The following SKI variants were observed in gnomAD, a reference collection of about 807,000 sequenced individuals.
SKI encodes the protein SKI proto-oncogene.
A neutral mutation model predicts 59.3 loss-of-function variants in SKI; 23 were observed. The ratio of observed to expected loss-of-function variants is 0.39; its 90% CI spans 0.28 to 0.55. SKI has a LOEUF of 0.55. SKI is among the 20% of genes least tolerant of loss of function. The pLI, the probability that SKI is intolerant of heterozygous loss-of-function variation, is 0.67. For missense variants in SKI, 1,017 were observed against 1,038.9 expected, an observed-to-expected ratio of 0.98 and a Z score of 0.29; for synonymous variants, 673 against 488.6, an observed-to-expected ratio of 1.38 and a Z score of -4.98.
intron 1 of SKI, among the ~76,000 whole-genome samples, chr1:2,231,694 G>A (rs1175381072): frequency 6.6e-6 from 1 of 152,208 alleles, no homozygotes; most frequent in Non-Finnish European, 1.5e-5. Flanking sequence ...GAGTGACTGC[G>A]TCCTCTAGGC....
Position 2,270,084 on chromosome 1 carries a change from C to A in SKI, c.970-32894C>A, listed in dbSNP as rs1257422481. On this transcript the variant is annotated intron_variant, in intron 1 of 6. Transcript: ENST00000378536. The surrounding 1 kb of genome is among the most constrained non-coding windows in gnomAD (Gnocchi z 4.1). ...TGCCGATGGATGAGCCTGCCTGTCC[C>A]CCACGGATTGGAGTTTTGCCCAGGG... 6.6e-6 allele frequency among the ~76,000 whole-genome samples: 1 copy of A among 152,124 alleles called. No homozygotes were observed. Among genetic ancestry groups the A allele is most frequent in the Non-Finnish European group, 1.5e-5 (1 of 68,026 alleles).
chr1:2,306,494 G>T (rs939223567), intron 6 of SKI, 83 bp from the exon 7 acceptor site: 5 of 1,396,340 alleles, frequency 3.6e-6, no homozygotes, highest in Non-Finnish European at 4.9e-6. Context: ...AGGGAGCGGC[G>T]CAGGAGCCTC....
Position 2,269,481 on chromosome 1 carries a change from C to T in SKI, c.970-33497C>T, listed in dbSNP as rs1280566337. ...GATGTCCGTCCTCAGCAGTCTGTGG[C>T]CTTCTGTGAAGCAAAGCCGTTTTGC... On this transcript the variant is annotated intron_variant, in intron 1 of 6. Transcript: ENST00000378536. The surrounding 1 kb of genome is among the most constrained non-coding windows in gnomAD (Gnocchi z 4.7). Among the ~76,000 whole-genome samples, 1 of 152,256 alleles carries T rather than the reference C, an allele frequency of 6.6e-6. No homozygotes were observed. Among genetic ancestry groups the T allele is most frequent in the East Asian group, 1.9e-4 (1 of 5,200 alleles).
chr1:2,306,534 A>C, intron 6 of SKI, 43 bp from the exon 7 acceptor site: 1 of 1,521,192 alleles, frequency 6.6e-7, no homozygotes, highest in Non-Finnish European at 8.8e-7. Flanking sequence ...GGGCCGGGGC[A>C]GGGCAGCGAG....
rs538662768 is a variant in SKI at position 2,288,651 on chromosome 1, A to C, written c.970-14327A>C. On this transcript the variant is annotated intron_variant, in intron 1 of 6. Transcript: ENST00000378536. ...TTCTCTGCTCCCTTCCCTTGTCCTG[A>C]GTGGCCTTGGTTGGCCACAGAGTCA... Among the ~76,000 whole-genome samples, 335 of 152,156 alleles carry C rather than the reference A, an allele frequency of 2.2e-3. 1 individual carries two copies. Among genetic ancestry groups the C allele is most frequent in the African/African-American group, 7.8e-3 (322 of 41,502 alleles).
At chr1:2,273,643 C>CG (rs1254689355) in intron 1 of SKI, among the ~76,000 whole-genome samples, 1 of 152,164 alleles carries the variant, frequency 6.6e-6, no homozygotes, top group African/African-American at 2.4e-5. Context: ...AGAACATCCA[C>CG]GGAGAAGTGT....
chr1:2,302,982 C>T lies in SKI; in HGVS notation c.974C>T (p.Ser325Phe), dbSNP rs779414606. 6 of 1,613,532 alleles carry T rather than the reference C, an allele frequency of 3.7e-6. No individual in the cohort carries two copies. The highest frequency in any genetic ancestry group is 1.1e-5 in the South Asian group (1 of 91,070). ...NKYKRRVPRVSSEPPASIRPK... is the reference protein window; with the variant it reads ...NKYKRRVPRVFSEPPASIRPK... ...AAAACCTTTCATTGATCGCAGGTCTCCTCTGAGCCTCCGGCCTCCATAAGA... is the reference window on the plus strand; with the variant it reads ...AAAACCTTTCATTGATCGCAGGTCTTCTCTGAGCCTCCGGCCTCCATAAGA... The change falls in exon 2 of 7, where the codon TCC (serine) becomes TTC (phenylalanine). Residue 325 changes from serine (S) to phenylalanine (F), a missense_variant. Ser to Phe is a radical substitution (Grantham distance 155). Transcript: ENST00000378536.
intron 1 of SKI, among the ~76,000 whole-genome samples, chr1:2,273,570 TCCTCCCCAG>T (rs959110373): frequency 1.3e-5 from 2 of 152,006 alleles, no homozygotes; most frequent in Non-Finnish European, 2.9e-5. Context: ...CCTGGGGCGG[TCCTCCCCAG>T]CCTTGTGAGC....
chr1:2,298,946 C>T (rs1051918440), intron 1 of SKI, among the ~76,000 whole-genome samples: 1 of 152,188 alleles, frequency 6.6e-6, no homozygotes, highest in Admixed American at 6.5e-5. Context: ...TGGGAGCTGC[C>T]TTCTCTAGTT....
chr1:2,285,398 C>G (rs1640015756), intron 1 of SKI, among the ~76,000 whole-genome samples: 1 of 151,756 alleles, frequency 6.6e-6, no homozygotes, highest in East Asian at 2.0e-4. Context: ...GCCTGTAATC[C>G]CAGCTACTAG....
intron 1 of SKI, among the ~76,000 whole-genome samples, chr1:2,298,561 C>A (rs1044105654): frequency 4.6e-5 from 7 of 152,306 alleles, no homozygotes; most frequent in Non-Finnish European, 1.0e-4. Flanking sequence ...TCCTGTTTCC[C>A]CCTTGTATCC....
Position 2,303,267 on chromosome 1 carries a change from A to G in SKI, c.1096-18A>G. The G allele has an allele frequency of 6.2e-7, 1 of 1,612,028 alleles. No homozygotes were observed. The highest frequency in any genetic ancestry group is 1.1e-5 in the South Asian group (1 of 91,076). ...GTTTTTCTCCTGGTCACTCACACAG[A>G]CAACTCTTTCTCGACAGAGCCTGGG... is the stretch of plus-strand genomic sequence containing the variant. On this transcript the variant is annotated intron_variant, in intron 2 of 6. Coordinates refer to ENST00000378536, the MANE Select transcript of SKI (RefSeq NM_003036.4). This position sits in a 1 kb window ranked among gnomAD's most constrained non-coding sequence, Gnocchi z 5.6.
At position 2,268,485 on chromosome 1, in the gene SKI, TG is replaced by T. The variant is rs940586870; in HGVS notation, c.970-34489del. ...GTGCCCGGGGGCTCATAAGCCACCT[TG>T]GGGTATGTCTGGGTGCATGGGGACT... is the stretch of plus-strand genomic sequence containing the variant. On this transcript the variant is annotated intron_variant, in intron 1 of 6. Coordinates refer to ENST00000378536, the MANE Select transcript of SKI (RefSeq NM_003036.4). The surrounding 1 kb of genome is among the most constrained non-coding windows in gnomAD (Gnocchi z 5.0). Among the ~76,000 whole-genome samples the T allele has an allele frequency of 6.6e-6, 1 of 152,118 alleles. No homozygotes were observed. The highest frequency in any genetic ancestry group is 1.5e-5 in the Non-Finnish European group (1 of 68,004).
rs774937962 is a variant in SKI at position 2,304,382 on chromosome 1, C to T, written c.1564C>T (p.Pro522Ser). 6.4e-7 allele frequency: 1 copy of T among 1,551,922 alleles called. No homozygotes were observed. Among genetic ancestry groups the T allele is most frequent in the Non-Finnish European group, 8.7e-7 (1 of 1,147,434 alleles). Reference sequence around the variant, plus strand: ...GGGCTCCCCGGGTGCGCGTGCCCTGCCCTCGGCCGTCCCTGATGCTGCGGC... The same window carrying T: ...GGGCTCCCCGGGTGCGCGTGCCCTGTCCTCGGCCGTCCCTGATGCTGCGGC... ...DLGSPGARAL[P>S]SAVPDAAAPA... The change falls in exon 5 of 7, where the codon CCC becomes TCC. Residue 522 changes from proline to serine, a missense_variant. Coordinates refer to ENST00000378536, the MANE Select transcript of SKI (RefSeq NM_003036.4).
chr1:2,272,151 G>A (rs1002517831), intron 1 of SKI, among the ~76,000 whole-genome samples: 2 of 152,326 alleles, frequency 1.3e-5, no homozygotes, highest in Middle Eastern at 3.4e-3. Context: ...TGTCTCTTAC[G>A]TTCTCACGAC....
intron 5 of SKI, among the ~76,000 whole-genome samples, chr1:2,305,461 G>T (rs947903687): frequency 4.6e-5 from 7 of 152,124 alleles, no homozygotes; most frequent in African/African-American, 1.7e-4. Flanking sequence ...CCTCGCCCCA[G>T]CACGTCCCCC....
intron 1 of SKI, among the ~76,000 whole-genome samples, chr1:2,276,187 A>G (rs1432851969): frequency 6.6e-6 from 1 of 152,144 alleles, no homozygotes; most frequent in Non-Finnish European, 1.5e-5. Flanking sequence ...CCCAAAAAGA[A>G]GTGGTCCTGC....
chr1:2,248,099 T>C (rs1373020277), intron 1 of SKI: 1 of 152,240 alleles, frequency 6.6e-6, no homozygotes, highest in Non-Finnish European at 1.5e-5. Context: ...CCCTGGTGCT[T>C]TTGGGGACTT....
chr1:2,254,819 CT>C (rs1351861902), intron 1 of SKI, among the ~76,000 whole-genome samples: 1 of 152,238 alleles, frequency 6.6e-6, no homozygotes, highest in Non-Finnish European at 1.5e-5. Context: ...TGCAGCCCCC[CT>C]GCTGCACACC....
Sources: allele counts gnomAD v4.1 joint callset (sites outside exome capture counted in the v4.1 genomes callset), GRCh38; gene constraint gnomAD v4.1.1; non-coding constraint Gnocchi (gnomAD v3.1); transcripts MANE v1.5; gene names NCBI Gene and HGNC (gene_info 2026-07-23, HGNC 2026-07-21).